Variants in CLRN1 observed in about 807,000 individuals in gnomAD.
The protein encoded by CLRN1 is clarin-1.
In CLRN1, 15 loss-of-function variants were observed where a neutral mutation model predicts 18.7. That is an observed-to-expected ratio of 0.80 (90% CI 0.54 to 1.23). The LOEUF (loss-of-function observed/expected upper bound fraction) is 1.23, where lower values mean the gene tolerates loss of function less well. CLRN1 is among the 50% of genes most tolerant of loss of function. The probability of loss-of-function intolerance (pLI) is 0.00; values close to 1 mark genes in which losing one functional copy is unlikely to be tolerated. For missense variants in CLRN1, 311 were observed against 277.5 expected (o/e 1.12, Z -0.86); for synonymous variants, 104 against 102.9 (o/e 1.01, Z -0.07).
Position 150,927,980 on chromosome 3 carries a change from T to C in CLRN1, c.655A>G (p.Lys219Glu), listed in dbSNP as rs1255856658. ...GCTACATTAGTTGTTTCTGCGTCTT[T>C]AGATTTTGCAAAAGGGAACTGAAAT... is the stretch of plus-strand genomic sequence containing the variant. ...AGFQFPFAKS[K>E]DAETTNVAAD... Residue 219 changes from lysine to glutamate, a missense_variant, in exon 3 of 3, where the codon AAA becomes GAA. Physicochemically the swap from Lys to Glu is moderately conservative, Grantham distance 56. Transcript: ENST00000327047. 2 of 1,614,206 alleles carry C rather than the reference T, an allele frequency of 1.2e-6. No homozygotes were observed. Among genetic ancestry groups the C allele is most frequent in the South Asian group, 1.1e-5 (1 of 91,088 alleles).
At chr3:150,926,559 G>GA (rs1469144628), downstream of CLRN1, 38 of 577,280 alleles carry the variant, frequency 6.6e-5, 1 homozygote, top group Admixed American at 9.0e-4. Flanking sequence ...GATTTAAGGG[G>GA]AAAAACCAGC....
Position 150,941,184 on chromosome 3 carries a change from T to C in CLRN1, c.433+398A>G, listed in dbSNP as rs1015722868. Among the ~76,000 whole-genome samples, 129 of 128,704 alleles carry C rather than the reference T, an allele frequency of 1.0e-3. 1 individual carries two copies. Among genetic ancestry groups the C allele is most frequent in the African/African-American group, 3.4e-3 (126 of 37,410 alleles). The allele number at this position is 128,704 out of a possible 152,430, so 84.4% of individuals were successfully genotyped here. A position where few individuals can be genotyped will look rare whatever the true frequency, so the allele number is the denominator to read the frequency against. On this transcript the variant is annotated intron_variant, in intron 2 of 2. Transcript: ENST00000327047. Reference sequence around the variant, plus strand: ...TCTATCTATCTATCTCTTTCATATATATATATATATAGCCCCCATATATAC... The same window carrying C: ...TCTATCTATCTATCTCTTTCATATACATATATATATAGCCCCCATATATAC...
At chr3:150,964,122 C>T (rs745887272) in intron 1 of CLRN1, among the ~76,000 whole-genome samples, 8 of 152,072 alleles carry the variant, frequency 5.3e-5, no homozygotes, top group Non-Finnish European at 1.0e-4. Flanking sequence ...TCAGAGTGAA[C>T]GGGCAACCTG....
chr3:150,969,239 T>C (rs1715408341), intron 1 of CLRN1, among the ~76,000 whole-genome samples: 1 of 148,162 alleles, frequency 6.7e-6, no homozygotes, highest in Non-Finnish European at 1.5e-5. Flanking sequence ...TACTTTTGTT[T>C]TCTAATATGG....
Position 150,928,079 on chromosome 3 carries a change from T to A in CLRN1, c.556A>T (p.Thr186Ser). ...YVYKTQSEKYTTSFWVIFFCF... is the reference protein window; with the variant it reads ...YVYKTQSEKYSTSFWVIFFCF... ...AAGAAAATGACCCAGAATGAGGTGG[T>A]ATATTTTTCACTTTGCGTTTTGTAG... is the stretch of plus-strand genomic sequence containing the variant. The change falls in exon 3 of 3, where the codon ACC (threonine) becomes TCC (serine). Residue 186 changes from threonine to serine, a missense_variant. Transcript: ENST00000327047. 1 of 1,613,888 alleles carries A rather than the reference T, an allele frequency of 6.2e-7. No individual in the cohort carries two copies. The highest frequency in any genetic ancestry group is 8.5e-7 in the Non-Finnish European group (1 of 1,179,964).
In CLRN1 at chr3:150,945,422, T is replaced by C. The variant is rs1012588584; in HGVS notation, c.254-3661A>G. The C allele has an allele frequency of 8.0e-6, 8 of 997,828 alleles. No individual in the cohort carries two copies. The African/African-American group carries it at 1.3e-4, about 17-fold the overall frequency. The allele number at this position is 997,828 out of a possible 1,614,324, so 61.8% of individuals were successfully genotyped here. ...TGCATGCCTCATGGCCACAACACTC[T>C]ACTCCTGACCACATGCTGGAAGGGG... On this transcript the variant is annotated intron_variant, in intron 1 of 2. Coordinates refer to ENST00000327047, the MANE Select transcript of CLRN1 (RefSeq NM_174878.3).
intron 1 of CLRN1, among the ~76,000 whole-genome samples, chr3:150,963,815 A>G (rs1031418169): frequency 3.3e-5 from 5 of 152,236 alleles, no homozygotes. Context: ...GCAACGGGGA[A>G]AGGATTCCCT....
chr3:150,951,261 A>T (rs1481864523), intron 1 of CLRN1, among the ~76,000 whole-genome samples: 1 of 152,154 alleles, frequency 6.6e-6, no homozygotes, highest in African/African-American at 2.4e-5. Flanking sequence ...AAAGTTTTTT[A>T]AAAATAAAAT....
chr3:150,934,117 C>T (rs1379478098), intron 2 of CLRN1, among the ~76,000 whole-genome samples: 1 of 152,024 alleles, frequency 6.6e-6, no homozygotes, highest in Admixed American at 6.6e-5. Context: ...TTTTTTTTCA[C>T]CACCAATTAC....
rs558360743 is a variant in CLRN1, at chr3:150,928,627, G to A, written c.434-426C>T. Among the ~76,000 whole-genome samples, 7 of 152,312 alleles carry A rather than the reference G, an allele frequency of 4.6e-5. No homozygotes were observed. The East Asian group carries it at 1.3e-3, about 29-fold the overall frequency. On this transcript the variant is annotated intron_variant, in intron 2 of 2. Transcript: ENST00000327047. ...TTCTCTGTACTTCACAGGCCATGCA[G>A]GATAAATGTCAATCATGCAGCCTCT...
At chr3:150,943,119 C>A (rs2107954005) in intron 1 of CLRN1, among the ~76,000 whole-genome samples, 1 of 152,138 alleles carries the variant, frequency 6.6e-6, no homozygotes, top group African/African-American at 2.4e-5. Context: ...TGTTTTAAGC[C>A]CCTGAACTTT....
chr3:150,942,557 G>A (rs773956002), intron 1 of CLRN1: 85 of 451,820 alleles, frequency 1.9e-4, no homozygotes, highest in Non-Finnish European at 3.6e-4. Flanking sequence ...CACCTACTAT[G>A]TGCCAGGCAT....
intron 1 of CLRN1, among the ~76,000 whole-genome samples, chr3:150,972,053 G>T (rs796945857): frequency 9.9e-5 from 15 of 152,236 alleles, no homozygotes; most frequent in African/African-American, 3.4e-4. Context: ...GAGAAAGGTG[G>T]CAACCTGGTT....
chr3:150,946,090 A>AT lies in CLRN1; in HGVS notation c.254-4330dup, dbSNP rs200181382. On this transcript the variant is annotated intron_variant, in intron 1 of 2. Transcript: ENST00000327047. ...AAGAATGAAGCAAATCTATAACAACATGTATGGAATTATTCATCAAAATGT... is the reference window on the plus strand; with the variant it reads ...AAGAATGAAGCAAATCTATAACAACATTGTATGGAATTATTCATCAAAATGT... 8.5e-5 allele frequency among the ~76,000 whole-genome samples: 13 copies of AT among 152,362 alleles called. No individual in the cohort carries two copies. The East Asian group carries it at 2.5e-3, about 29-fold the overall frequency.
At chr3:150,941,921 G>C (rs904951442) in intron 1 of CLRN1, among the ~76,000 whole-genome samples, 160 bp from the exon 2 acceptor site, 6 of 152,082 alleles carry the variant, frequency 3.9e-5, no homozygotes, top group South Asian at 2.1e-4. Flanking sequence ...TTTACAAAAA[G>C]GTTTAAAGAT....
At chr3:150,928,332 T>C in intron 2 of CLRN1, 131 bp from the exon 3 acceptor site, 1 of 1,153,026 alleles carries the variant, frequency 8.7e-7, no homozygotes. Flanking sequence ...AAAAAATTAT[T>C]GCATATTTGT....
At chr3:150,969,054 CT>C (rs1715399456) in intron 1 of CLRN1, among the ~76,000 whole-genome samples, 1 of 150,920 alleles carries the variant, frequency 6.6e-6, no homozygotes. Flanking sequence ...TGTGGCTAGA[CT>C]GAATTAGATG....
Position 150,926,626 on chromosome 3 carries a change from G to A in CLRN1, c.*1310C>T, listed in dbSNP as rs764841726. 2.7e-6 allele frequency: 2 copies of A among 748,090 alleles called. No individual in the cohort carries two copies. The highest frequency in any genetic ancestry group is 1.5e-5 in the South Asian group (1 of 67,346). The allele number at this position is 748,090 out of a possible 1,614,324, so 46.3% of individuals were successfully genotyped here. A position where few individuals can be genotyped will look rare whatever the true frequency, so the allele number is the denominator to read the frequency against. The stretch of plus-strand genomic sequence containing the variant: ...TGGCGAATAGCGAATTGACACCAGA[G>A]CAAGTTATTTCTCAGGTATACGGTT... On this transcript the variant is annotated 3_prime_UTR_variant, in exon 3 of 3. Coordinates refer to ENST00000327047, the MANE Select transcript of CLRN1 (RefSeq NM_174878.3).
intron 2 of CLRN1, among the ~76,000 whole-genome samples, chr3:150,935,649 G>T (rs1559979949): frequency 1.3e-5 from 2 of 150,824 alleles, no homozygotes; most frequent in Admixed American, 6.6e-5. Context: ...TAGTCCTTTG[G>T]GTATATACCC....
Sources: gnomAD v4.1 joint callset for allele counts (sites outside exome capture counted in the v4.1 genomes callset) on GRCh38, gnomAD v4.1.1 for gene constraint, MANE v1.5 for transcripts, NCBI Gene and HGNC (gene_info 2026-07-23, HGNC 2026-07-21) for gene names.